Variants in SLC8A2 observed in about 807,000 individuals in gnomAD.
SLC8A2 encodes the protein solute carrier family 8 member A2, also known as sodium/calcium exchanger 2.
Under a neutral mutation model 70.2 loss-of-function variants are expected in SLC8A2, and 14 were observed. The ratio of observed to expected loss-of-function variants is 0.20; its 90% CI spans 0.13 to 0.31. The LOEUF is 0.31. Ranked by LOEUF, SLC8A2 falls within the 10% of genes least tolerant of loss-of-function variation. The pLI is 1.00. For synonymous variants in SLC8A2, 575 were observed against 594.3 expected (o/e 0.97, Z 0.47); for missense variants, 779 against 1,320.1 (o/e 0.59, Z 6.35).
chr19:47,434,705 C>A (rs1473561277), intron 8 of SLC8A2, among the ~76,000 whole-genome samples: 2 of 152,114 alleles, frequency 1.3e-5, no homozygotes, highest in African/African-American at 2.4e-5. Context: ...AGCTCTGCGA[C>A]AAGATGGGAC....
chr19:47,440,574 C>T (rs1364310809), intron 6 of SLC8A2, among the ~76,000 whole-genome samples: 1 of 148,968 alleles, frequency 6.7e-6, no homozygotes, highest in African/African-American at 2.4e-5. Flanking sequence ...TTCCAGATGC[C>T]TGTCATCACA....
In SLC8A2 at chr19:47,468,569, C is replaced by A. The variant is rs1305609086; in HGVS notation, c.-16-2150G>T. Among the ~76,000 whole-genome samples, 1 of 152,078 alleles carries A rather than the reference C, an allele frequency of 6.6e-6. No individual in the cohort carries two copies. The highest frequency in any genetic ancestry group is 6.6e-5 in the Admixed American group (1 of 15,264). ...TCCCAAAGTGCTGGGATCACAGGTG[C>A]GTGCCACCGTGCCCCGCCCACTCTT... On this transcript the variant is annotated intron_variant, in intron 1 of 9. Coordinates refer to ENST00000236877, the MANE Select transcript of SLC8A2 (RefSeq NM_015063.3). The surrounding 1 kb of genome is among the most constrained non-coding windows in gnomAD (Gnocchi z 5.1).
At chr19:47,467,327 T>C (rs1329193381) in intron 1 of SLC8A2, among the ~76,000 whole-genome samples, 1 of 152,186 alleles carries the variant, frequency 6.6e-6, no homozygotes, top group East Asian at 1.9e-4. Context: ...GGCTCTGAGT[T>C]TGTTAGGAGA....
At chr19:47,445,049 A>C (rs1455936573) in intron 4 of SLC8A2, among the ~76,000 whole-genome samples, 1 of 146,684 alleles carries the variant, frequency 6.8e-6, no homozygotes, top group Non-Finnish European at 1.5e-5. Flanking sequence ...CTCAGCTTTC[A>C]ATATCCACCT....
At position 47,466,331 on chromosome 19, in the gene SLC8A2, T is replaced by C. The variant is rs1967460401; in HGVS notation, c.73A>G (p.Thr25Ala). Residue 25 changes from threonine (T) to alanine (A), a missense_variant, in exon 2 of 10, where the codon ACC becomes GCC. Coordinates refer to ENST00000236877, the MANE Select transcript of SLC8A2 (RefSeq NM_015063.3). The surrounding 1 kb of genome is among the most constrained non-coding windows in gnomAD (Gnocchi z 6.9). Reference protein sequence around the residue: ...APPCSGAATPTPSLPPPPAND... With the variant: ...APPCSGAATPAPSLPPPPAND... ...GCCGGGGGAGGCGGCAGGGAGGGGG[T>C]TGGGGTGGCTGCCCCGGAGCATGGG... 6.1e-6 allele frequency: 9 copies of C among 1,467,932 alleles called. No homozygotes were observed. The highest frequency in any genetic ancestry group is 8.1e-6 in the Non-Finnish European group (9 of 1,107,938). 90.9% of individuals were successfully genotyped at this position (1,467,932 alleles called of 1,614,324 possible). A position where few individuals can be genotyped will look rare whatever the true frequency, so the allele number is the denominator to read the frequency against.
intron 3 of SLC8A2, among the ~76,000 whole-genome samples, chr19:47,452,396 T>TA (rs1967246116): frequency 1.3e-5 from 1 of 76,122 alleles, no homozygotes; most frequent in Non-Finnish European, 2.6e-5. Context: ...TATATATATA[T>TA]GGAGAGAGAG....
At chr19:47,461,635 A>G (rs775379090) in intron 2 of SLC8A2, among the ~76,000 whole-genome samples, 2 of 152,274 alleles carry the variant, frequency 1.3e-5, no homozygotes, top group Admixed American at 1.3e-4. Flanking sequence ...ACTTGCAAAT[A>G]GTAAAACTGC....
intron 2 of SLC8A2, among the ~76,000 whole-genome samples, chr19:47,459,736 T>TATGTGTACGTGTGTGTCCATCTGTGTGC (rs1967369696): frequency 1.3e-5 from 2 of 150,890 alleles, no homozygotes; most frequent in Admixed American, 1.3e-4. Context: ...TCTGTGTGTG[T>TATGTGTACGTGTGTGTCCATCTGTGTGC]ATGTGTACGT....
chr19:47,434,442 A>G (rs988319272), intron 8 of SLC8A2, among the ~76,000 whole-genome samples: 3 of 151,746 alleles, frequency 2.0e-5, no homozygotes, highest in African/African-American at 7.3e-5. Context: ...CAGTGTCCTC[A>G]CCTCTCTGGG....
intron 3 of SLC8A2, among the ~76,000 whole-genome samples, chr19:47,453,333 G>A (rs937976321): frequency 6.6e-6 from 1 of 152,204 alleles, no homozygotes; most frequent in Non-Finnish European, 1.5e-5. Flanking sequence ...CAGATATGGT[G>A]GTTTTATGCA....
In SLC8A2 at chr19:47,457,221, C is replaced by G. The variant is rs763617613; in HGVS notation, c.1049G>C (p.Arg350Pro). 4 of 1,546,248 alleles carry G rather than the reference C, an allele frequency of 2.6e-6. No homozygotes were observed. The highest frequency in any genetic ancestry group is 2.0e-5 in the Admixed American group (1 of 50,728). ...YYALLHQQKS[R>P]AFYRIQATRL... ...CGTGGCCTGGATGCGGTAGAAGGCGCGGCTCTTCTGCTGGTGCAGCAGCGC... is the reference window on the plus strand; with the variant it reads ...CGTGGCCTGGATGCGGTAGAAGGCGGGGCTCTTCTGCTGGTGCAGCAGCGC... Residue 350 changes from arginine (R) to proline (P), a missense_variant, in exon 3 of 10, where the codon CGC (arginine) becomes CCC (proline). By Grantham distance (103) the Arg-to-Pro change is moderately radical. Coordinates refer to ENST00000236877, the MANE Select transcript of SLC8A2 (RefSeq NM_015063.3).
chr19:47,441,787 C>T (rs1967102906), intron 4 of SLC8A2, among the ~76,000 whole-genome samples: 1 of 152,180 alleles, frequency 6.6e-6, no homozygotes, highest in African/African-American at 2.4e-5. Context: ...GAGAGCCCAT[C>T]TCTATTTATA....
intron 4 of SLC8A2, 93 bp from the exon 5 acceptor site, chr19:47,441,533 C>A: frequency 1.4e-6 from 1 of 697,898 alleles, no homozygotes; most frequent in Non-Finnish European, 2.6e-6. Flanking sequence ...CCCAGTTTTC[C>A]AAGCACCTCC....
chr19:47,430,335 G>A lies in SLC8A2; in HGVS notation c.2520C>T (p.Tyr840=), dbSNP rs1187866344. ...CGAAGGGGCGGCCCTGCACCGCCCA[G>A]TACACGGCGGCCACAGACCAGGCGA... ...LGVAWSVAAV[Y]WAVQGRPFEV... The change falls in exon 10 of 10, where the codon TAC becomes TAT. Residue 840 remains tyrosine, a synonymous_variant. Coordinates refer to ENST00000236877, the MANE Select transcript of SLC8A2 (RefSeq NM_015063.3). The surrounding 1 kb of genome is among the most constrained non-coding windows in gnomAD (Gnocchi z 5.9). 1 of 1,612,308 alleles carries A rather than the reference G, an allele frequency of 6.2e-7. No homozygotes were observed.
At chr19:47,461,482 C>G (rs1459060252) in intron 2 of SLC8A2, among the ~76,000 whole-genome samples, 1 of 152,198 alleles carries the variant, frequency 6.6e-6, no homozygotes, top group Non-Finnish European at 1.5e-5. Context: ...GAACTCCAGC[C>G]TGGGGGACAG....
rs372525362 is a variant in SLC8A2 at position 47,466,113 on chromosome 19, G to A, written c.291C>T (p.Ile97=). 2.7e-5 allele frequency: 43 copies of A among 1,614,180 alleles called. No individual in the cohort carries two copies. The highest frequency in any genetic ancestry group is 1.3e-4 in the East Asian group (6 of 44,882). Reference sequence around the variant, plus strand: ...CCTTCTCTTTTGACGTGATGACCTCGATGGCCGCCATGAAACGGTCGGCGA... The same window carrying A: ...CCTTCTCTTTTGACGTGATGACCTCAATGGCCGCCATGAAACGGTCGGCGA... ...SIIADRFMAA[I]EVITSKEKEI... is the part of the protein sequence containing the mutation. The change falls in exon 2 of 10, where the codon ATC becomes ATT. Residue 97 remains isoleucine (I), a synonymous_variant. Coordinates refer to ENST00000236877, the MANE Select transcript of SLC8A2 (RefSeq NM_015063.3). This position sits in a 1 kb window ranked among gnomAD's most constrained non-coding sequence, Gnocchi z 6.9.
chr19:47,451,574 G>T lies in SLC8A2; in HGVS notation c.1341-3343C>A, dbSNP rs117941143. Among the ~76,000 whole-genome samples the T allele has an allele frequency of 7.7e-3, 1,169 of 152,350 alleles. 7 individuals are homozygous for T. Among genetic ancestry groups the T allele is most frequent in the Admixed American group, 9.6e-3 (147 of 15,308 alleles). On this transcript the variant is annotated intron_variant, in intron 3 of 9. Coordinates refer to ENST00000236877, the MANE Select transcript of SLC8A2 (RefSeq NM_015063.3). ...TCCGCTGGCCTTGGGCTCCCAAAGT[G>T]CTGGGATTGCAGGCATGATCCACTG...
chr19:47,463,185 T>G (rs2122651135), intron 2 of SLC8A2, among the ~76,000 whole-genome samples: 1 of 151,818 alleles, frequency 6.6e-6, no homozygotes, highest in South Asian at 2.1e-4. Flanking sequence ...TAGGCCTGAG[T>G]GCAGCGGCGC....
At chr19:47,467,073 T>C (rs1433977589) in intron 1 of SLC8A2, among the ~76,000 whole-genome samples, 1 of 152,074 alleles carries the variant, frequency 6.6e-6, no homozygotes. Flanking sequence ...AATAAGAATG[T>C]TCATAGCAGC....
Sources: allele counts gnomAD v4.1 joint callset (sites outside exome capture counted in the v4.1 genomes callset), GRCh38; gene constraint gnomAD v4.1.1; non-coding constraint Gnocchi (gnomAD v3.1); transcripts MANE v1.5; gene names NCBI Gene and HGNC (gene_info 2026-07-23, HGNC 2026-07-21).